The following IFT52 variants were observed in gnomAD, a reference collection of about 807,000 sequenced individuals.
IFT52 encodes intraflagellar transport protein 52 homolog.
In IFT52, 44 loss-of-function variants were observed where a neutral mutation model predicts 54.4. The observed-to-expected ratio is 0.81, with a 90% CI of 0.63 to 1.04. IFT52 has a LOEUF of 1.04. Among genes scored for constraint, IFT52 ranks in the 50% least tolerant of loss-of-function variants. The probability of loss-of-function intolerance (pLI) is 0.00; values close to 1 mark genes in which losing one functional copy is unlikely to be tolerated. For missense variants in IFT52, 452 were observed against 523.6 expected (o/e 0.86, Z 1.33); for synonymous variants, 181 against 185.3 (o/e 0.98, Z 0.19).
At position 43,637,287 on chromosome 20, in the gene IFT52, A is replaced by C. The variant is rs767121660; in HGVS notation, c.1120+34A>C. 5 of 1,245,198 alleles carry C rather than the reference A, an allele frequency of 4.0e-6. No homozygotes were observed. In the Admixed American group the frequency reaches 1.2e-4, roughly 29 times the overall value. 77.1% of individuals were successfully genotyped at this position (1,245,198 alleles called of 1,614,324 possible). A position where few individuals can be genotyped will look rare whatever the true frequency, so the allele number is the denominator to read the frequency against. Reference sequence around the variant, plus strand: ...GGCGAACTTTTTTTTTTTGAGACAGAGTTTCACTCTTGTTGCCCAGGCTGG... The same window carrying C: ...GGCGAACTTTTTTTTTTTGAGACAGCGTTTCACTCTTGTTGCCCAGGCTGG... On this transcript the variant is annotated intron_variant, in intron 12 of 13. Coordinates refer to ENST00000373030, the MANE Select transcript of IFT52 (RefSeq NM_016004.5).
In IFT52 at chr20:43,620,849, T is replaced by TTA. The variant is rs1555803995; in HGVS notation, c.700-8_700-7insTA. 13 of 1,603,716 alleles carry TTA rather than the reference T, an allele frequency of 8.1e-6. No individual in the cohort carries two copies. The highest frequency in any genetic ancestry group is 1.1e-5 in the Non-Finnish European group (13 of 1,173,370). ...TGTCCTAATTATATACTTTTTTTTT[T>TTA]AATTTAGGATGTTGTTTTCCAGTGG... On this transcript the variant is annotated splice_polypyrimidine_tract_variant and splice_region_variant and intron_variant, in intron 8 of 13. Transcript: ENST00000373030.
At chr20:43,598,382 C>G (rs1172491921) in intron 3 of IFT52, among the ~76,000 whole-genome samples, 1 of 152,128 alleles carries the variant, frequency 6.6e-6, no homozygotes, top group Non-Finnish European at 1.5e-5. Context: ...GATTGCCTAA[C>G]AGTGTGAGTA....
chr20:43,611,187 C>A (rs1983416520), intron 6 of IFT52, among the ~76,000 whole-genome samples: 1 of 152,054 alleles, frequency 6.6e-6, no homozygotes, highest in African/African-American at 2.4e-5. Context: ...GTCTCAGATT[C>A]TCCTTTATCC....
At chr20:43,623,794 A>T (rs982352793) in intron 9 of IFT52, 97 bp from the exon 10 acceptor site, 11 of 1,333,214 alleles carry the variant, frequency 8.3e-6, no homozygotes, top group Non-Finnish European at 1.0e-5. Flanking sequence ...TGGCAAGAGA[A>T]TATAAATGTT....
chr20:43,641,212 G>GGGTTT (rs1462530795), intron 12 of IFT52, among the ~76,000 whole-genome samples: 11 of 148,082 alleles, frequency 7.4e-5, no homozygotes, highest in African/African-American at 1.7e-4. Context: ...TTGTTTTTTG[G>GGGTTT]GGTTTTGTTT....
At chr20:43,608,598 A>C (rs1983163508) in intron 6 of IFT52, among the ~76,000 whole-genome samples, 1 of 152,140 alleles carries the variant, frequency 6.6e-6, no homozygotes, top group Admixed American at 6.6e-5. Context: ...GCATGTTACA[A>C]AGTTTTAGTA....
chr20:43,620,858 A>G lies in IFT52; in HGVS notation c.701A>G (p.Asp234Gly). 1 of 1,603,602 alleles carries G rather than the reference A, an allele frequency of 6.2e-7. No homozygotes were observed. The highest frequency in any genetic ancestry group is 1.1e-5 in the South Asian group (1 of 89,672). ...TATATACTTTTTTTTTTAATTTAGGATGTTGTTTTCCAGTGGCTCACGACA... is the reference window on the plus strand; with the variant it reads ...TATATACTTTTTTTTTTAATTTAGGGTGTTGTTTTCCAGTGGCTCACGACA... ...LDKEENSKIM[D>G]VVFQWLTTGD... Residue 234 changes from aspartate to glycine, a missense_variant and splice_region_variant, in exon 9 of 14, where the codon GAT (aspartate) becomes GGT (glycine). Coordinates refer to ENST00000373030, the MANE Select transcript of IFT52 (RefSeq NM_016004.5).
At chr20:43,634,278 A>G (rs1015232448) in intron 10 of IFT52, among the ~76,000 whole-genome samples, 6 of 152,180 alleles carry the variant, frequency 3.9e-5, no homozygotes, top group Admixed American at 2.6e-4. Context: ...ATATTGATGC[A>G]TATGAGTGAT....
In IFT52 at chr20:43,594,830, G is replaced by T. The variant is rs779218037; in HGVS notation, c.119+13G>T. 2.3e-6 allele frequency: 3 copies of T among 1,304,330 alleles called. No homozygotes were observed. Among genetic ancestry groups the T allele is most frequent in the Non-Finnish European group, 3.3e-6 (3 of 898,186 alleles). 80.8% of individuals were successfully genotyped at this position (1,304,330 alleles called of 1,614,324 possible). On this transcript the variant is annotated intron_variant, in intron 2 of 13. Transcript: ENST00000373030. The stretch of plus-strand genomic sequence containing the variant: ...GGAAGATTCAGAGGTGACTGACCAT[G>T]TATATTGTTTTCCCTTCTAAATGAT...
chr20:43,642,300 C>T (rs1007257362), intron 12 of IFT52, 179 bp from the exon 13 acceptor site: 3 of 579,206 alleles, frequency 5.2e-6, no homozygotes, highest in Non-Finnish European at 9.0e-6. Context: ...AAAAGCAGCA[C>T]ATTAGAGAGC....
chr20:43,618,028 C>T (rs1377996180), intron 7 of IFT52, among the ~76,000 whole-genome samples: 1 of 152,068 alleles, frequency 6.6e-6, no homozygotes, highest in East Asian at 1.9e-4. Context: ...GGATTACAGG[C>T]GTGAGCCACT....
At chr20:43,619,092 C>A in intron 8 of IFT52, 66 bp downstream of exon 8, 3 of 1,147,434 alleles carry the variant, frequency 2.6e-6, no homozygotes, top group Non-Finnish European at 3.9e-6. Context: ...TAAAAAAATA[C>A]TGGTAAGTTT....
chr20:43,620,989 TCA>T lies in IFT52; in HGVS notation c.768+67_768+68del. The T allele has an allele frequency of 4.4e-6, 5 of 1,139,808 alleles. No homozygotes were observed. The South Asian group carries it at 6.4e-5, about 15-fold the overall frequency. 70.6% of individuals were successfully genotyped at this position (1,139,808 alleles called of 1,614,324 possible). A position where few individuals can be genotyped will look rare whatever the true frequency, so the allele number is the denominator to read the frequency against. ...GAGTCCAGCTTCTCAGTACCACTTC[TCA>T]CAGCTCAAAAGGAATACATGACTGT... is the stretch of plus-strand genomic sequence containing the variant. On this transcript the variant is annotated intron_variant, in intron 9 of 13. Transcript: ENST00000373030.
chr20:43,626,686 C>G (rs1984745454), intron 10 of IFT52, among the ~76,000 whole-genome samples: 1 of 150,044 alleles, frequency 6.7e-6, no homozygotes, highest in South Asian at 2.1e-4. Context: ...TTTTTTCTTT[C>G]AATGGACCAT....
At chr20:43,606,808 C>T (rs1015505304) in intron 6 of IFT52, among the ~76,000 whole-genome samples, 3 of 152,194 alleles carry the variant, frequency 2.0e-5, no homozygotes, top group African/African-American at 7.2e-5. Context: ...ATGCTGCCTT[C>T]AGGCATCTGT....
intron 9 of IFT52, among the ~76,000 whole-genome samples, chr20:43,622,783 AAT>A: frequency 6.8e-6 from 1 of 146,722 alleles, no homozygotes; most frequent in South Asian, 2.1e-4. Flanking sequence ...TGTAAATATA[AAT>A]ATATACATAT....
At chr20:43,617,310 A>C (rs977964311) in intron 7 of IFT52, among the ~76,000 whole-genome samples, 3 of 152,228 alleles carry the variant, frequency 2.0e-5, no homozygotes, top group Non-Finnish European at 4.4e-5. Flanking sequence ...AGCGCTGTTT[A>C]TATCATATTT....
intron 6 of IFT52, among the ~76,000 whole-genome samples, chr20:43,612,366 G>C (rs147105009): frequency 2.8e-3 from 433 of 152,152 alleles, no homozygotes; most frequent in Non-Finnish European, 4.7e-3. Context: ...TCATAGGGTA[G>C]ATGAGATTTT....
At chr20:43,629,493 C>T (rs1021041677) in intron 10 of IFT52, among the ~76,000 whole-genome samples, 4 of 152,116 alleles carry the variant, frequency 2.6e-5, no homozygotes, top group African/African-American at 7.2e-5. Context: ...AGGATGGTCT[C>T]GATCTCCTGA....
Sources: allele counts gnomAD v4.1 joint callset (sites outside exome capture counted in the v4.1 genomes callset), GRCh38; gene constraint gnomAD v4.1.1; transcripts MANE v1.5; gene names NCBI Gene and HGNC (gene_info 2026-07-23, HGNC 2026-07-21).